The following SPINT1 variants were observed in gnomAD, a reference collection of about 807,000 sequenced individuals.
The protein encoded by SPINT1 is kunitz-type protease inhibitor 1.
Under a neutral mutation model 53.7 loss-of-function variants are expected in SPINT1, and 38 were observed. The observed-to-expected ratio is 0.71, with a 90% confidence interval of 0.55 to 0.93. The LOEUF (loss-of-function observed/expected upper bound fraction) is 0.93, where lower values mean the gene tolerates loss of function less well. SPINT1 is among the 40% of genes least tolerant of loss of function. The pLI, the probability that SPINT1 is intolerant of heterozygous loss-of-function variation, is 0.00. For missense variants in SPINT1, 645 were observed against 692.9 expected (o/e 0.93, Z 0.78); for synonymous variants, 283 against 280.6 (o/e 1.01, Z -0.08).
intron 2 of SPINT1, among the ~76,000 whole-genome samples, chr15:40,845,318 ATTTTTTTTTT>A (rs34480117): frequency 1.2e-4 from 7 of 58,182 alleles, no homozygotes; most frequent in Non-Finnish European, 1.5e-4. Context: ...GACCCGGCTA[ATTTTTTTTTT>A]TTTTTTTTTT....
At position 40,853,260 on chromosome 15, in the gene SPINT1, C is replaced by G. The variant is rs771515991; in HGVS notation, c.603+9C>G. 20 of 1,614,110 alleles carry G rather than the reference C, an allele frequency of 1.2e-5. No individual in the cohort carries two copies. Among genetic ancestry groups the G allele is most frequent in the Non-Finnish European group, 1.6e-5 (19 of 1,179,954 alleles). On this transcript the variant is annotated intron_variant, in intron 3 of 10. Transcript: ENST00000562057. The stretch of plus-strand genomic sequence containing the variant: ...CGGATGTCAGGGTAGAGGTGAGACA[C>G]TGGGCTGACTCTGACCCCGCCCTCT...
At chr15:40,853,943 C>T in intron 5 of SPINT1, 62 bp downstream of exon 5, 1 of 1,613,756 alleles carries the variant, frequency 6.2e-7, no homozygotes, top group Non-Finnish European at 8.5e-7. Context: ...AGTGGTCTCT[C>T]TCTTCTGTGG....
Position 40,853,555 on chromosome 15 carries a change from G to T in SPINT1, c.670G>T (p.Val224Leu), listed in dbSNP as rs756418054. The part of the protein sequence containing the change: ...KEGTYLFQLT[V>L]TSSDHPEDTA... Reference sequence around the variant, plus strand: ...AGGCACCTACCTGTTCCAGCTGACAGTGACTAGCTCAGACCACCCAGAGGA... The same window carrying T: ...AGGCACCTACCTGTTCCAGCTGACATTGACTAGCTCAGACCACCCAGAGGA... Residue 224 changes from valine (V) to leucine (L), a missense_variant, in exon 4 of 11, where the codon GTG becomes TTG. Val to Leu is a conservative substitution (Grantham distance 32). Transcript: ENST00000562057. The T allele has an allele frequency of 1.2e-6, 2 of 1,614,086 alleles. No individual in the cohort carries two copies. The highest frequency in any genetic ancestry group is 2.2e-5 in the South Asian group (2 of 91,076).
Position 40,853,524 on chromosome 15 carries a change from CAAGG to C in SPINT1, c.644_647del (p.Glu215AlafsTer7). The C allele has an allele frequency of 6.2e-7, 1 of 1,614,122 alleles. No homozygotes were observed. The highest frequency in any genetic ancestry group is 8.5e-7 in the Non-Finnish European group (1 of 1,179,986). ...CAAACCAGGTGGAACTGTGGGGACT[CAAGG>C]AAGGCACCTACCTGTTCCAGCTGAC... On this transcript the variant is annotated frameshift_variant, in exon 4 of 11. Transcript: ENST00000562057. LOFTEE classifies it high-confidence loss of function.
At chr15:40,855,447 C>T (rs543109124) in intron 8 of SPINT1, among the ~76,000 whole-genome samples, 10 of 149,942 alleles carry the variant, frequency 6.7e-5, no homozygotes, top group African/African-American at 2.5e-4. Flanking sequence ...CCCTGAGGCC[C>T]ATCCTCTTTT....
At chr15:40,847,395 A>G (rs1326462414) in intron 2 of SPINT1, among the ~76,000 whole-genome samples, 2 of 152,118 alleles carry the variant, frequency 1.3e-5, no homozygotes, top group Non-Finnish European at 2.9e-5. Flanking sequence ...AGAGCTTCCA[A>G]ACCTTTGATT....
rs1891511754 is a variant in SPINT1, at chr15:40,853,128, T to A, written c.480T>A (p.Ser160=). Residue 160 remains serine, a synonymous_variant, in exon 3 of 11, where the codon TCT becomes TCA. Transcript: ENST00000562057. Reference sequence around the variant, plus strand: ...CTCACTTTCTCTCCCCGCCAGGGTCTGGGATCCCCAAGGCCTGGGCAGGCA... The same window carrying A: ...CTCACTTTCTCTCCCCGCCAGGGTCAGGGATCCCCAAGGCCTGGGCAGGCA... ...RQLRTQGFGG[S]GIPKAWAGID... The A allele has an allele frequency of 2.5e-6, 4 of 1,613,862 alleles. No homozygotes were observed. The highest frequency in any genetic ancestry group is 2.7e-5 in the African/African-American group (2 of 75,050).
rs1018812661 is a variant in SPINT1, at chr15:40,853,204, AAC to A, written c.560_561del (p.Thr187ArgfsTer8). On this transcript the variant is annotated frameshift_variant, in exon 3 of 11. Transcript: ENST00000562057. LOFTEE classifies it high-confidence loss of function. ...QEPLVLKDVE[N>X]TDWRLLRGDT... Reference sequence around the variant, plus strand: ...ACCCCTGGTGCTGAAGGATGTGGAAAACACAGATTGGCGCCTACTGCGGGGTG... The same window carrying A: ...ACCCCTGGTGCTGAAGGATGTGGAAAACAGATTGGCGCCTACTGCGGGGTG... The A allele has an allele frequency of 1.2e-6, 2 of 1,614,104 alleles. No individual in the cohort carries two copies. Among genetic ancestry groups the A allele is most frequent in the Non-Finnish European group, 1.7e-6 (2 of 1,180,030 alleles).
chr15:40,855,749 TG>T, intron 8 of SPINT1, 142 bp from the exon 9 acceptor site: 1 of 778,160 alleles, frequency 1.3e-6, no homozygotes, highest in Non-Finnish European at 2.0e-6. Flanking sequence ...CCACTGCAGC[TG>T]GGCCAGGTGT....
At chr15:40,849,743 C>G (rs1891401363) in intron 2 of SPINT1, among the ~76,000 whole-genome samples, 1 of 152,220 alleles carries the variant, frequency 6.6e-6, no homozygotes, top group Non-Finnish European at 1.5e-5. Context: ...CTGAATGACT[C>G]TGAGCAAGCC....
rs949913573 is a variant in SPINT1 at position 40,844,383 on chromosome 15, G to T, written c.-65-107G>T. The T allele has an allele frequency of 1.3e-6, 1 of 749,312 alleles. No individual in the cohort carries two copies. The highest frequency in any genetic ancestry group is 2.3e-6 in the Non-Finnish European group (1 of 433,410). 46.4% of individuals were successfully genotyped at this position (749,312 alleles called of 1,614,324 possible). A position where few individuals can be genotyped will look rare whatever the true frequency, so the allele number is the denominator to read the frequency against. The stretch of plus-strand genomic sequence containing the variant: ...CGTGCGCCCTCTTCGATCCTGGGGT[G>T]CTCCGGTCCCTCCTCCCCGCCACTT... On this transcript the variant is annotated intron_variant, in intron 1 of 10. Transcript: ENST00000562057. This position sits in a 1 kb window ranked among gnomAD's most constrained non-coding sequence, Gnocchi z 5.8.
intron 2 of SPINT1, among the ~76,000 whole-genome samples, chr15:40,850,025 G>A (rs979087394): frequency 1.3e-5 from 2 of 152,208 alleles, no homozygotes; most frequent in African/African-American, 4.8e-5. Context: ...AATTTCATGT[G>A]CTTTTCACAT....
Position 40,844,111 on chromosome 15 carries a change from A to T in SPINT1, c.-141A>T, listed in dbSNP as rs1276096861. 4.6e-6 allele frequency: 2 copies of T among 432,112 alleles called. No individual in the cohort carries two copies. The highest frequency in any genetic ancestry group is 4.9e-5 in the Admixed American group (2 of 40,414). 26.8% of individuals were successfully genotyped at this position (432,112 alleles called of 1,614,324 possible). On this transcript the variant is annotated 5_prime_UTR_variant, in exon 1 of 11. The change creates a new upstream start codon in the 5' untranslated region. Transcript: ENST00000562057. This position sits in a 1 kb window ranked among gnomAD's most constrained non-coding sequence, Gnocchi z 5.8. The stretch of plus-strand genomic sequence containing the variant: ...CCAGCTCTCCGAGCACCGGGTCGGA[A>T]GCCGCGACCCGAGCCGCGCAGGAAG...
chr15:40,844,585 C>T lies in SPINT1; in HGVS notation c.31C>T (p.Arg11Cys), dbSNP rs1891216126. The T allele has an allele frequency of 1.9e-6, 3 of 1,609,738 alleles. No individual in the cohort carries two copies. The highest frequency in any genetic ancestry group is 2.5e-6 in the Non-Finnish European group (3 of 1,178,844). Reference sequence around the variant, plus strand: ...CCCTGCGAGGACGATGGCCCGCGCCCGCCTCGCCCCGGCCGGCATCCCTGC... The same window carrying T: ...CCCTGCGAGGACGATGGCCCGCGCCTGCCTCGCCCCGGCCGGCATCCCTGC... MAPARTMARA[R>C]LAPAGIPAVA... The change falls in exon 2 of 11, where the codon CGC becomes TGC. Residue 11 changes from arginine (R) to cysteine (C), a missense_variant. Physicochemically the swap from Arg to Cys is radical, Grantham distance 180. Transcript: ENST00000562057. The surrounding 1 kb of genome is among the most constrained non-coding windows in gnomAD (Gnocchi z 5.8).
At chr15:40,854,036 C>G (rs376769889) in intron 5 of SPINT1, 24 bp from the exon 6 acceptor site, 2 of 1,567,784 alleles carry the variant, frequency 1.3e-6, no homozygotes, top group East Asian at 4.5e-5. Context: ...CATGCCTCCT[C>G]TCATTCTCTG....
Position 40,844,093 on chromosome 15 carries a change from TCCGAGCACCGGGTCGGAAGCCGCGAC to T in SPINT1, c.-152_-127del, listed in dbSNP as rs1891181489. 2.3e-6 allele frequency: 1 copy of T among 432,390 alleles called. No individual in the cohort carries two copies. The highest frequency in any genetic ancestry group is 4.6e-6 in the Non-Finnish European group (1 of 218,396). The allele number at this position is 432,390 out of a possible 1,614,324, so 26.8% of individuals were successfully genotyped here. A position where few individuals can be genotyped will look rare whatever the true frequency, so the allele number is the denominator to read the frequency against. On this transcript the variant is annotated 5_prime_UTR_variant, in exon 1 of 11. Coordinates refer to ENST00000562057, the MANE Select transcript of SPINT1 (RefSeq NM_003710.4). This position sits in a 1 kb window ranked among gnomAD's most constrained non-coding sequence, Gnocchi z 5.8. ...GGAGAAGGCGGCCGAGCCCCAGCTC[TCCGAGCACCGGGTCGGAAGCCGCGAC>T]CCGAGCCGCGCAGGAAGCTGGGACC...
intron 2 of SPINT1, among the ~76,000 whole-genome samples, chr15:40,849,398 T>G (rs1891392499): frequency 6.6e-6 from 1 of 152,152 alleles, no homozygotes; most frequent in Non-Finnish European, 1.5e-5. Flanking sequence ...CATCACACCA[T>G]CACACCTAGC....
intron 2 of SPINT1, among the ~76,000 whole-genome samples, chr15:40,845,294 G>T (rs1407186934): frequency 6.8e-6 from 1 of 147,848 alleles, no homozygotes; most frequent in East Asian, 2.0e-4. Flanking sequence ...TGGAACTACA[G>T]GCACCCGCTA....
intron 2 of SPINT1, among the ~76,000 whole-genome samples, chr15:40,849,086 A>T (rs533672227): frequency 6.6e-6 from 1 of 151,996 alleles, no homozygotes; most frequent in Non-Finnish European, 1.5e-5. Context: ...CTCTACTAAA[A>T]ATACAAAAAA....
Sources: gnomAD v4.1 joint callset for allele counts (sites outside exome capture counted in the v4.1 genomes callset) on GRCh38, gnomAD v4.1.1 for gene constraint, Gnocchi (gnomAD v3.1) non-coding constraint, MANE v1.5 for transcripts, NCBI Gene and HGNC (gene_info 2026-07-23, HGNC 2026-07-21) for gene names.